The following SOX5 variants were observed in gnomAD, a reference collection of about 807,000 sequenced individuals.
SOX5 encodes the protein SRY-box transcription factor 5.
In SOX5, 9 loss-of-function variants were observed where a neutral mutation model predicts 92.0. The observed-to-expected ratio is 0.10, with a 90% CI of 0.06 to 0.17. SOX5 has a LOEUF of 0.17. Among genes scored for constraint, SOX5 ranks in the 10% least tolerant of loss-of-function variants. The probability of loss-of-function intolerance (pLI) is 1.00; values close to 1 mark genes in which losing one functional copy is unlikely to be tolerated. For missense variants in SOX5, 642 were observed against 944.5 expected, an observed-to-expected ratio of 0.68 and a Z score of 4.20; for synonymous variants, 344 against 336.3, an observed-to-expected ratio of 1.02 and a Z score of -0.25.
intron 6 of SOX5, among the ~76,000 whole-genome samples, chr12:23,721,876 A>G (rs1414765940): frequency 1.3e-5 from 2 of 152,238 alleles, no homozygotes; most frequent in African/African-American, 2.4e-5. Flanking sequence ...TTATTACCAT[A>G]TCTCCAAATT....
At chr12:23,866,809 T>A (rs2096819845) in intron 2 of SOX5, among the ~76,000 whole-genome samples, 1 of 152,188 alleles carries the variant, frequency 6.6e-6, no homozygotes, top group African/African-American at 2.4e-5. Context: ...CAAGTTCTGA[T>A]TTGAGCATAT....
intron 1 of SOX5, among the ~76,000 whole-genome samples, chr12:24,480,537 T>C (rs2137793031): frequency 6.6e-6 from 1 of 152,138 alleles, no homozygotes; most frequent in Non-Finnish European, 1.5e-5. Flanking sequence ...CCAGAATATA[T>C]AAGGAGTTCA....
chr12:24,021,705 A>G (rs1269579397), intron 4 of SOX5, among the ~76,000 whole-genome samples: 1 of 152,196 alleles, frequency 6.6e-6, no homozygotes, highest in Non-Finnish European at 1.5e-5. Flanking sequence ...TAATCCTTCT[A>G]TGAGATGATT....
chr12:24,122,841 GA>G (rs201088438), intron 4 of SOX5, among the ~76,000 whole-genome samples: 2 of 151,890 alleles, frequency 1.3e-5, no homozygotes, highest in East Asian at 1.9e-4. Flanking sequence ...CATAACTACA[GA>G]AAAAAAATGT....
intron 4 of SOX5, among the ~76,000 whole-genome samples, chr12:24,070,355 A>T (rs1941568165): frequency 6.6e-6 from 1 of 152,172 alleles, no homozygotes; most frequent in South Asian, 2.1e-4. Context: ...AGGCCCTTTG[A>T]TCACACCCTA....
Position 23,987,926 on chromosome 12 carries a change from G to A in SOX5, c.-1-91902C>T, listed in dbSNP as rs150003013. On this transcript the variant is annotated intron_variant, in intron 4 of 4. Coordinates refer to the SOX5 transcript ENST00000446891. The stretch of plus-strand genomic sequence containing the variant: ...AAAACATCATAGCTGCTAAGTGGAG[G>A]GATAATTGATTGTAAGAGGAAAAAT... Among the ~76,000 whole-genome samples the A allele has an allele frequency of 2.6e-5, 4 of 152,090 alleles. No homozygotes were observed. In the East Asian group the frequency reaches 7.7e-4, roughly 29 times the overall value.
rs138353503 is a variant in SOX5 at position 24,454,811 on chromosome 12, G to C, written c.-250-86172C>G. 7.4e-3 allele frequency among the ~76,000 whole-genome samples: 1,124 copies of C among 152,052 alleles called. 14 individuals are homozygous for C. The highest frequency in any genetic ancestry group is 0.026 in the African/African-American group (1,061 of 41,468). Reference sequence around the variant, plus strand: ...TAACTAATTTTTTTTCATGACATAGGTTAAAAGTCTGCAGCCTCTAATTTG... The same window carrying C: ...TAACTAATTTTTTTTCATGACATAGCTTAAAAGTCTGCAGCCTCTAATTTG... On this transcript the variant is annotated intron_variant, in intron 1 of 4. Transcript: ENST00000446891.
intron 2 of SOX5, among the ~76,000 whole-genome samples, chr12:24,323,285 G>T (rs371523423): frequency 1.3e-5 from 2 of 150,938 alleles, no homozygotes; most frequent in East Asian, 1.9e-4. Context: ...ACAGGTAAGG[G>T]TATGTAGCTG....
Position 23,821,821 on chromosome 12 carries a change from A to G in SOX5, c.481+24162T>C, listed in dbSNP as rs557740963. 1.4e-3 allele frequency among the ~76,000 whole-genome samples: 211 copies of G among 152,148 alleles called. 1 individual carries two copies. The highest frequency in any genetic ancestry group is 4.7e-3 in the African/African-American group (195 of 41,502). The stretch of plus-strand genomic sequence containing the variant: ...TGTGTTGTTATTGGTCTATTCAGGG[A>G]TTTGACTTCTTCCTGGTTTATTCTT... On this transcript the variant is annotated intron_variant, in intron 3 of 14. Coordinates refer to ENST00000451604, the MANE Select transcript of SOX5 (RefSeq NM_006940.6).
Position 23,769,725 on chromosome 12 carries a change from A to G in SOX5, c.482-14001T>C, listed in dbSNP as rs188327153. Among the ~76,000 whole-genome samples the G allele has an allele frequency of 2.0e-5, 3 of 152,296 alleles. No homozygotes were observed. In the East Asian group the frequency reaches 5.8e-4, roughly 29 times the overall value. Reference sequence around the variant, plus strand: ...ACTCTGTGATCTTCTCTTTGCCAATACAAATTCCTATTTTCCCATCAGGAA... The same window carrying G: ...ACTCTGTGATCTTCTCTTTGCCAATGCAAATTCCTATTTTCCCATCAGGAA... On this transcript the variant is annotated intron_variant, in intron 3 of 14. Coordinates refer to ENST00000451604, the MANE Select transcript of SOX5 (RefSeq NM_006940.6).
At chr12:23,679,581 C>T (rs957930858) in intron 6 of SOX5, among the ~76,000 whole-genome samples, 3 of 152,122 alleles carry the variant, frequency 2.0e-5, no homozygotes, top group Admixed American at 2.0e-4. Context: ...ATCACACAGA[C>T]TTTACCTAAC....
chr12:24,001,066 G>C (rs1272884288), intron 4 of SOX5, among the ~76,000 whole-genome samples: 1 of 152,080 alleles, frequency 6.6e-6, no homozygotes. Context: ...CACAAGATTT[G>C]AAATCATAGA....
intron 3 of SOX5, among the ~76,000 whole-genome samples, chr12:24,245,235 T>TGTGTGTG (rs1938418089): frequency 1.4e-5 from 2 of 144,274 alleles, no homozygotes; most frequent in African/African-American, 5.2e-5. Context: ...TTGGAGAGAT[T>TGTGTGTG]TGTGTGTGTG....
intron 11 of SOX5, among the ~76,000 whole-genome samples, chr12:23,558,250 A>T (rs1489728479): frequency 6.6e-6 from 1 of 152,166 alleles, no homozygotes; most frequent in African/African-American, 2.4e-5. Context: ...TAGTGGTAAA[A>T]AATAATTCAT....
At chr12:23,818,825 A>C (rs1821875266) in intron 3 of SOX5, among the ~76,000 whole-genome samples, 1 of 152,108 alleles carries the variant, frequency 6.6e-6, no homozygotes, top group African/African-American at 2.4e-5. Flanking sequence ...CATTTTTGTT[A>C]AACACTAAGA....
intron 5 of SOX5, among the ~76,000 whole-genome samples, chr12:23,738,198 T>C (rs115179528): frequency 2.0e-3 from 306 of 152,304 alleles, no homozygotes; most frequent in African/African-American, 6.9e-3. Flanking sequence ...TCCTTTAGCT[T>C]TTGTAACAGC....
intron 1 of SOX5, among the ~76,000 whole-genome samples, chr12:24,443,701 C>G (rs1379672000): frequency 2.0e-5 from 3 of 152,172 alleles, no homozygotes; most frequent in African/African-American, 7.2e-5. Context: ...TCCTGGCAGG[C>G]CAAGCTGCAC....
intron 3 of SOX5, among the ~76,000 whole-genome samples, chr12:23,812,539 T>C (rs1026515398): frequency 1.3e-5 from 2 of 152,094 alleles, no homozygotes. Context: ...AGCTATTAGA[T>C]CTCTTTAGAG....
rs2137146107 is a variant in SOX5, at chr12:24,052,796, A to G, written c.-1-156772T>C. On this transcript the variant is annotated intron_variant, in intron 4 of 4. Coordinates refer to the SOX5 transcript ENST00000446891. ...AAGTAACAATTTTAAGGAAGTGCTG[A>G]TGTTTTAATGATTTTAACCCTGAAA... 2.0e-5 allele frequency among the ~76,000 whole-genome samples: 3 copies of G among 152,372 alleles called. No homozygotes were observed. The South Asian group carries it at 6.2e-4, about 32-fold the overall frequency.
Sources: allele counts gnomAD v4.1 joint callset (sites outside exome capture counted in the v4.1 genomes callset), GRCh38; gene constraint gnomAD v4.1.1; transcripts MANE v1.5; gene names NCBI Gene and HGNC (gene_info 2026-07-23, HGNC 2026-07-21).